Variants in C2CD3 observed in about 807,000 individuals in gnomAD.
C2CD3 encodes C2 domain containing 3 centriole elongation regulator.
A neutral mutation model predicts 234.0 loss-of-function variants in C2CD3; 148 were observed. That is an observed-to-expected ratio of 0.63 (90% CI 0.55 to 0.72). The LOEUF is 0.72. Among genes scored for constraint, C2CD3 ranks in the 30% least tolerant of loss-of-function variants. The pLI, the probability that C2CD3 is intolerant of heterozygous loss-of-function variation, is 0.00. For missense variants in C2CD3, 2,577 were observed against 2,811.5 expected (o/e 0.92, Z 1.89); for synonymous variants, 1,000 against 1,035.4 (o/e 0.97, Z 0.66).
At chr11:74,065,956 C>T (rs926477935) in intron 24 of C2CD3, among the ~76,000 whole-genome samples, 3 of 149,746 alleles carry the variant, frequency 2.0e-5, no homozygotes, top group African/African-American at 7.4e-5. Flanking sequence ...GGAGATATAC[C>T]CAAAGTAAAT....
intron 32 of C2CD3, among the ~76,000 whole-genome samples, chr11:74,013,986 T>C (rs1951787405): frequency 6.6e-6 from 1 of 152,132 alleles, no homozygotes; most frequent in East Asian, 1.9e-4. Context: ...ACACTCTCTG[T>C]TTGGCCCTTT....
Position 74,170,960 on chromosome 11 carries a change from T to A in C2CD3, c.-168A>T, listed in dbSNP as rs370401045. 61 of 1,469,648 alleles carry A rather than the reference T, an allele frequency of 4.2e-5. 1 individual carries two copies. In the East Asian group the frequency reaches 6.7e-4, roughly 16 times the overall value. The allele number at this position is 1,469,648 out of a possible 1,614,324, so 91.0% of individuals were successfully genotyped here. A position where few individuals can be genotyped will look rare whatever the true frequency, so the allele number is the denominator to read the frequency against. Reference sequence around the variant, plus strand: ...TCCTCTAACAGTCTCCGGAAAACGGTGCGAAGAGAAGGCGCCAAGACGCCT... The same window carrying A: ...TCCTCTAACAGTCTCCGGAAAACGGAGCGAAGAGAAGGCGCCAAGACGCCT... On this transcript the variant is annotated 5_prime_UTR_variant, in exon 1 of 33. Coordinates refer to ENST00000334126, the MANE Select transcript of C2CD3 (RefSeq NM_001286577.2).
chr11:74,026,649 T>C (rs186289215), intron 32 of C2CD3, among the ~76,000 whole-genome samples: 10 of 152,234 alleles, frequency 6.6e-5, no homozygotes, highest in South Asian at 2.1e-4. Context: ...GGTGGTGTAA[T>C]AGAAGAACAG....
At chr11:74,158,927 T>C (rs1028234247) in intron 3 of C2CD3, among the ~76,000 whole-genome samples, 1 of 152,192 alleles carries the variant, frequency 6.6e-6, no homozygotes, top group South Asian at 2.1e-4. Context: ...ACAATCATTA[T>C]GGTCAACAGT....
rs886920889 is a variant in C2CD3, at chr11:74,084,955, C to G, written c.3926G>C (p.Ser1309Thr). 6.2e-7 allele frequency: 1 copy of G among 1,607,424 alleles called. No homozygotes were observed. The highest frequency in any genetic ancestry group is 8.5e-7 in the Non-Finnish European group (1 of 1,174,600). The change falls in exon 22 of 33, where the codon AGT (serine) becomes ACT (threonine). Residue 1309 changes from serine to threonine, a missense_variant. By Grantham distance (58) the Ser-to-Thr change is moderately conservative. Transcript: ENST00000334126. ...ENTKSASDII[S>T]IESCKEYLLG... ...CAGATACTCTTTGCATGACTCAATA[C>G]TGATTATATCACTTGCTGTTAAATC...
At chr11:74,102,310 T>C (rs1252117189) in intron 14 of C2CD3, among the ~76,000 whole-genome samples, 3 of 152,230 alleles carry the variant, frequency 2.0e-5, no homozygotes, top group Admixed American at 6.5e-5. Flanking sequence ...CACATCTTTA[T>C]TGAATACCCA....
In C2CD3 at chr11:74,074,260, G is replaced by C; in HGVS notation, c.4944C>G (p.Ser1648Arg). 6.2e-7 allele frequency: 1 copy of C among 1,611,776 alleles called. No individual in the cohort carries two copies. Reference protein sequence around the residue: ...SILVERAMHLSLKGSPLTERK... With the variant: ...SILVERAMHLRLKGSPLTERK... ...TAGGTGAGGAGAGCATACCTTTCAA[G>C]CTCAAGTGCATTGCTCTTTCTACTA... Residue 1648 changes from serine (S) to arginine (R), a missense_variant, in exon 24 of 33, where the codon AGC becomes AGG. Transcript: ENST00000334126.
In C2CD3 at chr11:74,118,447, T is replaced by C. The variant is rs1957099515; in HGVS notation, c.1366-65A>G. 3 of 1,341,016 alleles carry C rather than the reference T, an allele frequency of 2.2e-6. No homozygotes were observed. The East Asian group carries it at 6.9e-5, about 31-fold the overall frequency. The allele number at this position is 1,341,016 out of a possible 1,614,324, so 83.1% of individuals were successfully genotyped here. On this transcript the variant is annotated intron_variant, in intron 8 of 32. Coordinates refer to ENST00000334126, the MANE Select transcript of C2CD3 (RefSeq NM_001286577.2). The stretch of plus-strand genomic sequence containing the variant: ...CTTTGGGAATTGTAGCTACGAAACA[T>C]TTCTCTAAAGAAAGCAAGTTCTTCT...
chr11:74,020,148 C>T (rs1202022099), intron 32 of C2CD3, among the ~76,000 whole-genome samples: 1 of 152,258 alleles, frequency 6.6e-6, no homozygotes, highest in Non-Finnish European at 1.5e-5. Context: ...GGGCTTAACA[C>T]AGGAAGGCAC....
chr11:74,170,553 C>T (rs940074446), intron 1 of C2CD3, among the ~76,000 whole-genome samples, 185 bp downstream of exon 1: 7 of 152,162 alleles, frequency 4.6e-5, no homozygotes, highest in African/African-American at 1.4e-4. Flanking sequence ...GCCCCTACCC[C>T]AGCCCCTAAT....
intron 31 of C2CD3, among the ~76,000 whole-genome samples, chr11:74,029,508 T>A (rs1952435274): frequency 6.6e-6 from 1 of 152,240 alleles, no homozygotes; most frequent in Admixed American, 6.5e-5. Context: ...GGGGGAGGAA[T>A]GGAGATCCCG....
chr11:74,082,931 G>GA (rs1955457775), intron 22 of C2CD3, among the ~76,000 whole-genome samples: 2 of 152,034 alleles, frequency 1.3e-5, no homozygotes, highest in African/African-American at 4.8e-5. Flanking sequence ...CACAGAATTG[G>GA]AAAAAACTAC....
chr11:74,068,016 G>A (rs1176663485), intron 24 of C2CD3, among the ~76,000 whole-genome samples: 1 of 152,138 alleles, frequency 6.6e-6, no homozygotes, highest in South Asian at 2.1e-4. Context: ...CTGTGGCAAT[G>A]GCTATGACGA....
chr11:74,086,108 G>C (rs537585516), intron 20 of C2CD3, among the ~76,000 whole-genome samples: 3 of 152,270 alleles, frequency 2.0e-5, no homozygotes, highest in Admixed American at 2.0e-4. Flanking sequence ...CTGCCCATCA[G>C]AGTGACTCTG....
In C2CD3 at chr11:74,152,396, G is replaced by C. The variant is rs371535266; in HGVS notation, c.483+9003C>G. 8.5e-5 allele frequency among the ~76,000 whole-genome samples: 13 copies of C among 152,214 alleles called. No individual in the cohort carries two copies. The South Asian group carries it at 2.5e-3, about 29-fold the overall frequency. On this transcript the variant is annotated intron_variant, in intron 3 of 32. Transcript: ENST00000334126. ...CTGAATCTACTATATAAATTAAAGT[G>C]GTAGTTAAAAACCTTCCCCATAAGG...
chr11:74,131,233 G>C (rs908493956), intron 7 of C2CD3, among the ~76,000 whole-genome samples: 1 of 150,754 alleles, frequency 6.6e-6, no homozygotes, highest in African/African-American at 2.4e-5. Flanking sequence ...TAGGGCAGGA[G>C]AATCACTTGA....
At chr11:74,056,447 C>A (rs531783477) in intron 25 of C2CD3, among the ~76,000 whole-genome samples, 1 of 152,264 alleles carries the variant, frequency 6.6e-6, no homozygotes, top group East Asian at 1.9e-4. Context: ...TTTTGAGCCT[C>A]CCAAGGGAGA....
chr11:74,116,465 T>TA (rs888278085), intron 9 of C2CD3, among the ~76,000 whole-genome samples: 19 of 143,024 alleles, frequency 1.3e-4, no homozygotes, highest in Middle Eastern at 3.5e-3. Context: ...AATAAAAAAT[T>TA]AAAAAAAAAA....
chr11:74,108,029 TA>T (rs1275342761), intron 12 of C2CD3: 1 of 151,476 alleles, frequency 6.6e-6, no homozygotes, highest in African/African-American at 2.4e-5. Flanking sequence ...TGGGAGCCTG[TA>T]ATCCCAGCTA....
Sources: allele counts gnomAD v4.1 joint callset (sites outside exome capture counted in the v4.1 genomes callset), GRCh38; gene constraint gnomAD v4.1.1; transcripts MANE v1.5; gene names NCBI Gene and HGNC (gene_info 2026-07-23, HGNC 2026-07-21).